OR1B1: variants seen among roughly 807,000 people sequenced by gnomAD.
OR1B1 encodes the protein olfactory receptor family 1 subfamily B member 1, also known as olfactory receptor 1B1.
For missense variants in OR1B1, 414 were observed against 402.1 expected, an observed-to-expected ratio of 1.03 and a Z score of -0.25; for synonymous variants, 168 against 156.2, an observed-to-expected ratio of 1.08 and a Z score of -0.57.
At chr9:122,650,949 C>T in the OR1B1 span, among the ~76,000 whole-genome samples, 3 of 151,766 alleles carry the variant, frequency 2.0e-5, no homozygotes, top group African/African-American at 7.3e-5. Context: ...GGCGTGAACC[C>T]GGGAGGTGGA....
chr9:122,653,060 A>C, the OR1B1 span, among the ~76,000 whole-genome samples: 2 of 152,242 alleles, frequency 1.3e-5, no homozygotes, highest in Non-Finnish European at 2.9e-5. Context: ...ACTTGGCATC[A>C]GCCCAAGATA....
the OR1B1 span, among the ~76,000 whole-genome samples, chr9:122,646,945 TTTTA>T: frequency 6.6e-6 from 1 of 152,148 alleles, no homozygotes; most frequent in Non-Finnish European, 1.5e-5. Flanking sequence ...AGTGTAGAGT[TTTTA>T]TTCGTTTTCT....
the OR1B1 span, among the ~76,000 whole-genome samples, chr9:122,644,657 G>A: frequency 6.6e-6 from 1 of 152,202 alleles, no homozygotes; most frequent in Non-Finnish European, 1.5e-5. Context: ...TATGTTTGGG[G>A]AAAAGTAAGA....
At chr9:122,650,882 G>C in the OR1B1 span, among the ~76,000 whole-genome samples, 3 of 152,002 alleles carry the variant, frequency 2.0e-5, no homozygotes, top group African/African-American at 7.3e-5. Context: ...AAAATTAGCT[G>C]GGCATGGTGG....
chr9:122,645,860 C>T, the OR1B1 span, among the ~76,000 whole-genome samples: 5 of 152,202 alleles, frequency 3.3e-5, no homozygotes, highest in Non-Finnish European at 7.4e-5. Context: ...AGGTACAAAA[C>T]TCACTGGTAA....
chr9:122,653,551 A>G, the OR1B1 span, among the ~76,000 whole-genome samples: 1 of 152,192 alleles, frequency 6.6e-6, no homozygotes, highest in South Asian at 2.1e-4. Flanking sequence ...CTTCAACAGT[A>G]GGTAAATTGA....
the OR1B1 span, among the ~76,000 whole-genome samples, chr9:122,654,857 T>C: frequency 1.3e-5 from 2 of 152,238 alleles, no homozygotes; most frequent in Admixed American, 6.5e-5. Context: ...TTCCCCCCTT[T>C]GTAAGGCTAA....
chr9:122,653,990 C>T, the OR1B1 span, among the ~76,000 whole-genome samples: 1 of 150,694 alleles, frequency 6.6e-6, no homozygotes, highest in Admixed American at 6.6e-5. Context: ...ATAAGATATG[C>T]TCAAAAAATA....
chr9:122,635,143 G>A, the OR1B1 span, among the ~76,000 whole-genome samples: 4 of 152,254 alleles, frequency 2.6e-5, no homozygotes, highest in Middle Eastern at 3.4e-3. Flanking sequence ...GTCTTTTAAT[G>A]AATGAATGGC....
At chr9:122,634,840 G>C in the OR1B1 span, among the ~76,000 whole-genome samples, 2 of 152,122 alleles carry the variant, frequency 1.3e-5, no homozygotes, top group Non-Finnish European at 2.9e-5. Context: ...CCTCACACCT[G>C]CTAGGATGGT....
At chr9:122,634,711 A>G in the OR1B1 span, among the ~76,000 whole-genome samples, 2 of 152,206 alleles carry the variant, frequency 1.3e-5, no homozygotes, top group Non-Finnish European at 2.9e-5. Context: ...GGGCCAAACC[A>G]TACCAGAACC....
At chr9:122,633,602 C>T (rs973205016), upstream of OR1B1, among the ~76,000 whole-genome samples, 8 of 151,896 alleles carry the variant, frequency 5.3e-5, no homozygotes, top group African/African-American at 1.9e-4. Context: ...TACTCAATAG[C>T]AAAATAATAA....
the OR1B1 span, among the ~76,000 whole-genome samples, chr9:122,645,751 G>A: frequency 6.6e-6 from 1 of 152,086 alleles, no homozygotes; most frequent in Admixed American, 6.6e-5. Flanking sequence ...CAAAAGCTGA[G>A]AGATTTCATC....
chr9:122,642,693 G>T, the OR1B1 span, among the ~76,000 whole-genome samples: 2 of 152,104 alleles, frequency 1.3e-5, no homozygotes, highest in Non-Finnish European at 2.9e-5. Context: ...TACCCCAGAC[G>T]ACAAACACTT....
the OR1B1 span, among the ~76,000 whole-genome samples, chr9:122,654,593 C>T: frequency 6.6e-6 from 1 of 152,282 alleles, no homozygotes; most frequent in South Asian, 2.1e-4. Flanking sequence ...TTCATCAAAA[C>T]TTTTCATCCC....
chr9:122,629,238 A>G, exon 1 of OR1B1: 1 of 1,614,156 alleles, frequency 6.2e-7, no homozygotes, highest in South Asian at 1.1e-5. Flanking sequence ...AACTGAGCCA[A>G]GCAGCGGGCA....
chr9:122,634,377 A>G (rs1238154120), upstream of OR1B1, among the ~76,000 whole-genome samples: 1 of 151,960 alleles, frequency 6.6e-6, no homozygotes, highest in Admixed American at 6.6e-5. Flanking sequence ...GAAAAAAGAA[A>G]CAAAAAAGAA....
At chr9:122,629,399 G>A (rs906762357) in exon 1 of OR1B1, 3 of 1,613,982 alleles carry the variant, frequency 1.9e-6, no homozygotes, top group East Asian at 2.2e-5. Flanking sequence ...CAGCACCAGT[G>A]TCACATTCCC....
At chr9:122,637,381 C>G in the OR1B1 span, 2 of 152,218 alleles carry the variant, frequency 1.3e-5, no homozygotes, top group Non-Finnish European at 2.9e-5. Context: ...CAAACCCTGT[C>G]TGATCCCTTA....
Sources: gnomAD v4.1 joint callset for allele counts (sites outside exome capture counted in the v4.1 genomes callset) on GRCh38, gnomAD v4.1.1 for gene constraint, MANE v1.5 for transcripts, NCBI Gene and HGNC (gene_info 2026-07-23, HGNC 2026-07-21) for gene names.